Variants in FRY observed in about 807,000 individuals in gnomAD.
FRY encodes the protein protein furry homolog.
In FRY, 128 loss-of-function variants were observed where a neutral mutation model predicts 348.4. That is an observed-to-expected ratio of 0.37 (90% CI 0.32 to 0.43). The LOEUF is 0.43. Among genes scored for constraint, FRY ranks in the 20% least tolerant of loss-of-function variants. The probability of loss-of-function intolerance (pLI) is 1.00; values close to 1 mark genes in which losing one functional copy is unlikely to be tolerated. For missense variants in FRY, 2,736 were observed against 3,695.2 expected (o/e 0.74, Z 6.73); for synonymous variants, 1,370 against 1,374.7 (o/e 1.00, Z 0.08).
chr13:32,132,689 TATGCACAAGAGAA>T (rs1375248586), intron 8 of FRY, among the ~76,000 whole-genome samples: 2 of 152,190 alleles, frequency 1.3e-5, no homozygotes, highest in Non-Finnish European at 2.9e-5. Context: ...CTCCTAGGTA[TATGCACAAGAGAA>T]ATGAAAATAT....
At chr13:32,138,483 T>C (rs187440312) in intron 11 of FRY, among the ~76,000 whole-genome samples, 259 of 152,324 alleles carry the variant, frequency 1.7e-3, no homozygotes, top group African/African-American at 5.8e-3. Flanking sequence ...CTTTGGAACT[T>C]AATTACTTCA....
chr13:32,054,595 T>A (rs1053536074), intron 1 of FRY, among the ~76,000 whole-genome samples: 3 of 152,092 alleles, frequency 2.0e-5, no homozygotes, highest in Non-Finnish European at 4.4e-5. Context: ...AGAAACAGGC[T>A]GGGCGCAGTG....
intron 58 of FRY, among the ~76,000 whole-genome samples, chr13:32,281,146 G>A (rs771958407): frequency 3.9e-5 from 6 of 152,154 alleles, no homozygotes; most frequent in Admixed American, 6.5e-5. Flanking sequence ...CATTTGTTTA[G>A]ATGTGACAAC....
At chr13:32,103,400 A>C (rs1198118484) in intron 3 of FRY, among the ~76,000 whole-genome samples, 1 of 152,206 alleles carries the variant, frequency 6.6e-6, no homozygotes, top group Non-Finnish European at 1.5e-5. Flanking sequence ...GCAAACTATC[A>C]CAAGGACAAA....
intron 32 of FRY, among the ~76,000 whole-genome samples, 200 bp downstream of exon 32, chr13:32,209,309 T>A (rs908794769): frequency 6.6e-6 from 1 of 152,176 alleles, no homozygotes; most frequent in Non-Finnish European, 1.5e-5. Context: ...TGGTAAACTT[T>A]ATGTTATGCG....
chr13:32,145,526 GTTTTTT>G (rs59585678), intron 11 of FRY, among the ~76,000 whole-genome samples: 1 of 91,476 alleles, frequency 1.1e-5, no homozygotes, highest in African/African-American at 4.2e-5. Context: ...TGACTGATTT[GTTTTTT>G]TTTTTTTTTT....
At chr13:32,286,709 T>A (rs1373503989) in intron 58 of FRY, among the ~76,000 whole-genome samples, 5 of 121,252 alleles carry the variant, frequency 4.1e-5, no homozygotes, top group African/African-American at 1.6e-4. Flanking sequence ...ATCGCGCCAC[T>A]GCACTCCAGC....
intron 7 of FRY, among the ~76,000 whole-genome samples, chr13:32,129,956 C>G (rs912561549): frequency 6.6e-6 from 1 of 151,948 alleles, no homozygotes; most frequent in Non-Finnish European, 1.5e-5. Flanking sequence ...CTTTATTTGT[C>G]CTGAAATTTC....
At position 32,179,812 on chromosome 13, in the gene FRY, T is replaced by C. The variant is rs1882590382; in HGVS notation, c.2996+13T>C. On this transcript the variant is annotated intron_variant, in intron 23 of 60. Transcript: ENST00000542859. ...CCCTTGTTTTCAGGTACAGTAGTCT[T>C]AATGAGTTGTTCTAAATTCATACAT... 6.2e-7 allele frequency: 1 copy of C among 1,611,338 alleles called. No homozygotes were observed.
At chr13:32,059,480 T>G (rs897631034) in intron 1 of FRY, among the ~76,000 whole-genome samples, 13 of 132,396 alleles carry the variant, frequency 9.8e-5, no homozygotes, top group South Asian at 5.2e-4. Context: ...AAAAAAAATT[T>G]ATAGAGAATG....
chr13:32,158,109 G>T (rs1335841673), intron 16 of FRY, among the ~76,000 whole-genome samples: 1 of 152,146 alleles, frequency 6.6e-6, no homozygotes, highest in South Asian at 2.1e-4. Flanking sequence ...TCTGAAGATT[G>T]TTACCTATAT....
intron 2 of FRY, among the ~76,000 whole-genome samples, chr13:32,079,629 G>T (rs1875345440): frequency 6.6e-6 from 1 of 152,246 alleles, no homozygotes; most frequent in East Asian, 1.9e-4. Context: ...AGTGTCTTCA[G>T]TTGCAGATGC....
intron 11 of FRY, among the ~76,000 whole-genome samples, chr13:32,141,303 G>A (rs763752776): frequency 2.6e-5 from 4 of 152,028 alleles, no homozygotes; most frequent in Admixed American, 2.0e-4. Context: ...CATCAAACCC[G>A]GTGAATCATA....
intron 31 of FRY, among the ~76,000 whole-genome samples, chr13:32,203,467 C>T (rs61946735): frequency 0.051 from 7,713 of 152,110 alleles, 217 homozygotes; most frequent in East Asian, 0.075. Context: ...GGCTCACACC[C>T]GTAATCCCAA....
At chr13:32,245,187 A>G (rs1332380418) in intron 47 of FRY, among the ~76,000 whole-genome samples, 1 of 151,842 alleles carries the variant, frequency 6.6e-6, no homozygotes, top group Non-Finnish European at 1.5e-5. Context: ...TGACCTCGTG[A>G]TCCACCGCCT....
At chr13:32,080,684 C>G (rs1199290391) in intron 2 of FRY, among the ~76,000 whole-genome samples, 1 of 152,166 alleles carries the variant, frequency 6.6e-6, no homozygotes, top group Non-Finnish European at 1.5e-5. Context: ...GCCTCCAACC[C>G]CTTGAGAGAC....
At chr13:32,228,747 G>T in intron 40 of FRY, 93 bp downstream of exon 40, 1 of 1,070,492 alleles carries the variant, frequency 9.3e-7, no homozygotes. Flanking sequence ...AAGTGATCCT[G>T]GGGTTCTAAC....
At chr13:32,138,954 G>A (rs80237170) in intron 11 of FRY, among the ~76,000 whole-genome samples, 1,571 of 152,232 alleles carry the variant, frequency 0.01, 10 homozygotes, top group Non-Finnish European at 0.016. Context: ...CACGAATCAC[G>A]AAAGAAATAA....
intron 13 of FRY, among the ~76,000 whole-genome samples, chr13:32,149,081 A>T (rs1391141372): frequency 1.3e-5 from 2 of 148,374 alleles, no homozygotes; most frequent in East Asian, 1.9e-4. Flanking sequence ...TTTATATATA[A>T]AAATTATATA....
Sources: allele counts gnomAD v4.1 joint callset (sites outside exome capture counted in the v4.1 genomes callset), GRCh38; gene constraint gnomAD v4.1.1; transcripts MANE v1.5; gene names NCBI Gene and HGNC (gene_info 2026-07-23, HGNC 2026-07-21).